TMOD1: variants seen among roughly 807,000 people sequenced by gnomAD.
TMOD1 encodes the protein tropomodulin 1, also known as tropomodulin-1.
A neutral mutation model predicts 40.6 loss-of-function variants in TMOD1; 17 were observed. The observed-to-expected ratio is 0.42, with a 90% CI of 0.29 to 0.63. The LOEUF (loss-of-function observed/expected upper bound fraction) is 0.63. TMOD1 is among the 20% of genes least tolerant of loss of function. TMOD1 has a pLI of 0.22. For synonymous variants in TMOD1, 181 were observed against 175.0 expected (o/e 1.03, Z -0.27); for missense variants, 391 against 447.6 (o/e 0.87, Z 1.14).
At chr9:97,595,774 C>T (rs1826097245) in intron 9 of TMOD1, among the ~76,000 whole-genome samples, 1 of 152,024 alleles carries the variant, frequency 6.6e-6, no homozygotes, top group African/African-American at 2.4e-5. Context: ...GTCCCCCAAA[C>T]CTATCTCAGA....
chr9:97,536,189 A>C (rs1830181365), intron 2 of TMOD1, among the ~76,000 whole-genome samples: 1 of 152,222 alleles, frequency 6.6e-6, no homozygotes, highest in Non-Finnish European at 1.5e-5. Context: ...TAAGTGCCTA[A>C]GTTTTTCATA....
At chr9:97,543,420 A>G (rs1005738066) in intron 2 of TMOD1, among the ~76,000 whole-genome samples, 3 of 152,266 alleles carry the variant, frequency 2.0e-5, no homozygotes, top group Non-Finnish European at 4.4e-5. Context: ...ATAACAATAG[A>G]AGGGATCATA....
intron 2 of TMOD1, among the ~76,000 whole-genome samples, chr9:97,532,634 A>G (rs1001865407): frequency 6.6e-6 from 1 of 152,080 alleles, no homozygotes; most frequent in African/African-American, 2.4e-5. Context: ...AAAAAAAGAA[A>G]TCACTACAGA....
intron 8 of TMOD1, among the ~76,000 whole-genome samples, chr9:97,584,613 C>T (rs1243148111): frequency 6.6e-6 from 1 of 152,096 alleles, no homozygotes; most frequent in Non-Finnish European, 1.5e-5. Flanking sequence ...TTAAAGTCTC[C>T]TATTATTAAT....
intron 1 of TMOD1, among the ~76,000 whole-genome samples, chr9:97,511,360 T>C (rs1829694329): frequency 6.6e-6 from 1 of 152,116 alleles, no homozygotes; most frequent in African/African-American, 2.4e-5. Flanking sequence ...GTCCCCATCC[T>C]CCTCCATTCA....
intron 1 of TMOD1, among the ~76,000 whole-genome samples, chr9:97,504,246 T>G (rs760171580): frequency 9.2e-5 from 14 of 152,116 alleles, no homozygotes; most frequent in Non-Finnish European, 1.8e-4. Context: ...CAGAGCCTGA[T>G]ATTGCAATGA....
chr9:97,527,301 G>C (rs1252455259), intron 2 of TMOD1, among the ~76,000 whole-genome samples: 4 of 152,216 alleles, frequency 2.6e-5, no homozygotes, highest in Non-Finnish European at 5.9e-5. Flanking sequence ...AATGTGACTC[G>C]GTTACCTGCC....
intron 8 of TMOD1, among the ~76,000 whole-genome samples, chr9:97,572,466 G>A (rs1245427422): frequency 6.6e-6 from 1 of 152,036 alleles, no homozygotes; most frequent in East Asian, 1.9e-4. Flanking sequence ...GTGGGGAGGC[G>A]CTCCTGCCTA....
Position 97,586,015 on chromosome 9 carries a change from A to T in TMOD1, c.871-5276A>T, listed in dbSNP as rs1005725721. Reference sequence around the variant, plus strand: ...CTTCTTCTCTCAGCTCGTGAAAGTCATTCTCCATCCAGCTTTGTTCCGTTG... The same window carrying T: ...CTTCTTCTCTCAGCTCGTGAAAGTCTTTCTCCATCCAGCTTTGTTCCGTTG... On this transcript the variant is annotated intron_variant, in intron 8 of 9. Transcript: ENST00000259365. Among the ~76,000 whole-genome samples the T allele has an allele frequency of 5.3e-4, 81 of 151,896 alleles. 1 individual carries two copies. The highest frequency in any genetic ancestry group is 1.9e-3 in the African/African-American group (77 of 41,344).
Position 97,601,188 on chromosome 9 carries a change from C to T in TMOD1, c.*1490C>T, listed in dbSNP as rs2131301958. On this transcript the variant is annotated 3_prime_UTR_variant, in exon 10 of 10. Coordinates refer to ENST00000259365, the MANE Select transcript of TMOD1 (RefSeq NM_003275.4). ...ATCCCCATTTGGCTTCTCCTTAAAA[C>T]ACAATTGCAGCTGCATTCTGCATCG... is the stretch of plus-strand genomic sequence containing the variant. 1.5e-6 allele frequency: 2 copies of T among 1,298,646 alleles called. No individual in the cohort carries two copies. Among genetic ancestry groups the T allele is most frequent in the Non-Finnish European group, 2.0e-6 (2 of 985,858 alleles). 80.4% of individuals were successfully genotyped at this position (1,298,646 alleles called of 1,614,324 possible). A position where few individuals can be genotyped will look rare whatever the true frequency, so the allele number is the denominator to read the frequency against.
intron 8 of TMOD1, among the ~76,000 whole-genome samples, chr9:97,587,008 A>T (rs1825892782): frequency 6.6e-6 from 1 of 152,188 alleles, no homozygotes; most frequent in South Asian, 2.1e-4. Context: ...AGCTGTTCCT[A>T]TTCGGCCATC....
At chr9:97,571,412 G>T (rs1677723778) in intron 8 of TMOD1, among the ~76,000 whole-genome samples, 1 of 152,184 alleles carries the variant, frequency 6.6e-6, no homozygotes, top group Non-Finnish European at 1.5e-5. Flanking sequence ...GTAAAATGAG[G>T]ATTATAAGAA....
At chr9:97,521,156 C>T (rs936821750) in intron 1 of TMOD1, among the ~76,000 whole-genome samples, 3 of 152,274 alleles carry the variant, frequency 2.0e-5, no homozygotes, top group Non-Finnish European at 4.4e-5. Context: ...AGGCAAAAAG[C>T]GTGTTTTCCA....
intron 1 of TMOD1, among the ~76,000 whole-genome samples, chr9:97,505,136 G>A (rs1054267737): frequency 3.9e-5 from 6 of 152,170 alleles, no homozygotes; most frequent in African/African-American, 7.2e-5. Flanking sequence ...GTTTTCTTTC[G>A]TGTTAGGTGT....
intron 3 of TMOD1, among the ~76,000 whole-genome samples, chr9:97,547,282 A>T (rs1248578879): frequency 1.3e-5 from 2 of 150,252 alleles, no homozygotes; most frequent in African/African-American, 4.9e-5. Context: ...TTTCCACCTC[A>T]GGACCTTTGC....
intron 3 of TMOD1, among the ~76,000 whole-genome samples, chr9:97,551,900 C>G (rs912590951): frequency 6.6e-6 from 1 of 152,072 alleles, no homozygotes; most frequent in Non-Finnish European, 1.5e-5. Flanking sequence ...GTCTTTCACC[C>G]CTTTGGTTGA....
At position 97,600,361 on chromosome 9, in the gene TMOD1, C is replaced by T. The variant is rs2131301043; in HGVS notation, c.*663C>T. The stretch of plus-strand genomic sequence containing the variant: ...GAAATTTCAAGTTTCAAAAACCAAC[C>T]TTTCATTACCAATCCCAGGCAACAA... On this transcript the variant is annotated 3_prime_UTR_variant, in exon 10 of 10. Transcript: ENST00000259365. The T allele has an allele frequency of 1.0e-6, 1 of 986,050 alleles. No homozygotes were observed. Among genetic ancestry groups the T allele is most frequent in the East Asian group, 1.1e-4 (1 of 8,814 alleles). 61.1% of individuals were successfully genotyped at this position (986,050 alleles called of 1,614,324 possible).
intron 2 of TMOD1, among the ~76,000 whole-genome samples, chr9:97,526,992 T>C (rs1322179734): frequency 6.6e-6 from 1 of 152,154 alleles, no homozygotes; most frequent in Non-Finnish European, 1.5e-5. Flanking sequence ...CTCTTCCTGA[T>C]ATTCACGATC....
rs182880935 is a variant in TMOD1, at chr9:97,515,477, G to T, written c.-48-8664G>T. 9.2e-5 allele frequency among the ~76,000 whole-genome samples: 14 copies of T among 152,024 alleles called. No individual in the cohort carries two copies. In the East Asian group the frequency reaches 2.7e-3, roughly 29 times the overall value. On this transcript the variant is annotated intron_variant, in intron 1 of 9. Coordinates refer to ENST00000259365, the MANE Select transcript of TMOD1 (RefSeq NM_003275.4). Reference sequence around the variant, plus strand: ...CTATCTTTTGTAGAGACAGGGTTTTGCCATGTTGCCCAGGCTGTTCTCGAA... The same window carrying T: ...CTATCTTTTGTAGAGACAGGGTTTTTCCATGTTGCCCAGGCTGTTCTCGAA...
Sources: gnomAD v4.1 joint callset for allele counts (sites outside exome capture counted in the v4.1 genomes callset) on GRCh38, gnomAD v4.1.1 for gene constraint, MANE v1.5 for transcripts, NCBI Gene and HGNC (gene_info 2026-07-23, HGNC 2026-07-21) for gene names.